SPC25: variants seen among roughly 807,000 people sequenced by gnomAD.
SPC25 encodes kinetochore protein Spc25.
SPC25 carries 22 observed loss-of-function variants against 29.6 expected under a neutral mutation model. The ratio of observed to expected loss-of-function variants is 0.74; its 90% CI spans 0.53 to 1.06. The LOEUF (loss-of-function observed/expected upper bound fraction) is 1.06, where lower values mean the gene tolerates loss of function less well. Ranked by LOEUF, SPC25 falls within the 50% of genes least tolerant of loss-of-function variation. SPC25 has a pLI of 0.00. For missense variants in SPC25, 230 were observed against 255.8 expected (o/e 0.90, Z 0.69); for synonymous variants, 91 against 90.4 (o/e 1.01, Z -0.04).
intron 4 of SPC25, chr2:168,864,887 TTGAA>T (rs754372560): frequency 2.5e-5 from 41 of 1,613,932 alleles, no homozygotes; most frequent in South Asian, 3.3e-5. Context: ...GTTTGGATCT[TTGAA>T]TGGGAAAAAA....
At chr2:168,863,238 A>C (rs1373681631) in intron 4 of SPC25, 2 of 230,328 alleles carry the variant, frequency 8.7e-6, no homozygotes, top group African/African-American at 4.7e-5. Context: ...ATTTGTTTGA[A>C]TTCTTGTTAA....
chr2:168,877,518 A>G, intron 3 of SPC25, 134 bp from the exon 4 acceptor site: 1 of 1,032,286 alleles, frequency 9.7e-7, no homozygotes, highest in South Asian at 1.7e-5. Flanking sequence ...CTAATGATTC[A>G]AAATTATAAA....
At chr2:168,884,914 C>A (rs1023293921) in intron 3 of SPC25, 17 of 152,174 alleles carry the variant, frequency 1.1e-4, no homozygotes, top group Admixed American at 3.9e-4. Flanking sequence ...GTACCTGGCA[C>A]ACAGTAATGA....
chr2:168,875,465 TAAC>T (rs1690068397), intron 5 of SPC25, among the ~76,000 whole-genome samples: 1 of 152,130 alleles, frequency 6.6e-6, no homozygotes, highest in Admixed American at 6.5e-5. Context: ...AGAAAGAGAT[TAAC>T]AACAACTAAT....
At chr2:168,868,943 T>C (rs542186840), downstream of SPC25, among the ~76,000 whole-genome samples, 10 of 152,292 alleles carry the variant, frequency 6.6e-5, no homozygotes, top group East Asian at 1.9e-3. Context: ...TGAACATTGA[T>C]GCAAAAATCC....
chr2:168,868,830 G>C (rs147116065), downstream of SPC25, among the ~76,000 whole-genome samples: 8,209 of 152,192 alleles, frequency 0.054, 701 homozygotes, highest in African/African-American at 0.18. Flanking sequence ...AATAGAAAAA[G>C]AGGGAATCCT....
downstream of SPC25, among the ~76,000 whole-genome samples, chr2:168,867,058 T>A (rs1183747294): frequency 2.0e-5 from 3 of 152,140 alleles, no homozygotes; most frequent in Admixed American, 2.0e-4. Context: ...ATTGTGGAAG[T>A]CGGTGTGGCG....
At chr2:168,886,855 AT>A (rs772948928) in intron 3 of SPC25, among the ~76,000 whole-genome samples, 26 of 152,310 alleles carry the variant, frequency 1.7e-4, no homozygotes, top group Non-Finnish European at 3.8e-4. Context: ...AATATTGATA[AT>A]GCTTTTAGAT....
chr2:168,875,217 G>A (rs771880657), intron 5 of SPC25, among the ~76,000 whole-genome samples: 4 of 152,108 alleles, frequency 2.6e-5, no homozygotes, highest in Admixed American at 6.6e-5. Context: ...GCCTGAAACC[G>A]TAGATAGTAG....
intron 4 of SPC25, chr2:168,861,974 C>G: frequency 6.2e-7 from 1 of 1,614,152 alleles, no homozygotes; most frequent in Non-Finnish European, 8.5e-7. Context: ...TGGTGCAGCC[C>G]AGCTCAGCAG....
At chr2:168,882,587 C>T (rs759808199) in intron 3 of SPC25, among the ~76,000 whole-genome samples, 52 of 151,284 alleles carry the variant, frequency 3.4e-4, no homozygotes, top group African/African-American at 1.2e-3. Flanking sequence ...GGTGACAGGG[C>T]GAGACCCTGT....
At chr2:168,886,579 G>A (rs113507633) in intron 3 of SPC25, among the ~76,000 whole-genome samples, 2,305 of 151,534 alleles carry the variant, frequency 0.015, 56 homozygotes, top group African/African-American at 0.053. Context: ...CAGTGCAGTG[G>A]CGCGATCTGG....
At chr2:168,863,863 A>C (rs1451023710) in intron 4 of SPC25, among the ~76,000 whole-genome samples, 1 of 152,180 alleles carries the variant, frequency 6.6e-6, no homozygotes, top group African/African-American at 2.4e-5. Flanking sequence ...CTACATAGAA[A>C]TAGAAAGTGA....
downstream of SPC25, among the ~76,000 whole-genome samples, chr2:168,867,841 G>A (rs1689896773): frequency 6.6e-6 from 1 of 152,184 alleles, no homozygotes; most frequent in African/African-American, 2.4e-5. Context: ...ACTCAGCTCT[G>A]CACCAAGCAG....
Position 168,862,367 on chromosome 2 carries a change from T to C in SPC25, n.419+11218A>G, listed in dbSNP as rs557208315. Among the ~76,000 whole-genome samples the C allele has an allele frequency of 7.7e-4, 117 of 152,096 alleles. 4 individuals carry two copies. The South Asian group carries it at 0.024, about 31-fold the overall frequency. On this transcript the variant is annotated intron_variant and non_coding_transcript_variant, in intron 4 of 4. Coordinates refer to the SPC25 transcript ENST00000479309. ...CAGGAAGGTTAGGTGCTTTGGCTAA[T>C]GTCACAGGCTGTGGCAACACAAGAT...
rs540188972 is a variant in SPC25 at position 168,890,358 on chromosome 2, A to G, written c.-55T>C. On this transcript the variant is annotated 5_prime_UTR_variant, in exon 1 of 7. Coordinates refer to ENST00000282074, the MANE Select transcript of SPC25 (RefSeq NM_020675.4). ...TGAGTCCCGCCGCCTTCCCCACACC[A>G]GATCCGCGCCCACTCTAGCCAACAG... 6.7e-5 allele frequency: 66 copies of G among 985,468 alleles called. No individual in the cohort carries two copies. Among genetic ancestry groups the G allele is most frequent in the East Asian group, 1.1e-4 (1 of 8,812 alleles). 61.0% of individuals were successfully genotyped at this position (985,468 alleles called of 1,614,324 possible).
rs775155556 is a variant in SPC25, at chr2:168,889,446, G to A, written c.74C>T (p.Thr25Ile). 6 of 1,613,986 alleles carry A rather than the reference G, an allele frequency of 3.7e-6. No homozygotes were observed. Among genetic ancestry groups the A allele is most frequent in the Non-Finnish European group, 5.1e-6 (6 of 1,180,034 alleles). ...TCTTAGTCCCGCCATCTGACAGGAG[G>A]TGTCCGTACTTTTGAATTTATTCCA... ...EFWNKFKSTD[T>I]SCQMAGLRDT... The change falls in exon 2 of 7, where the codon ACC becomes ATC. Residue 25 changes from threonine (T) to isoleucine (I), a missense_variant. Transcript: ENST00000282074.
chr2:168,889,981 G>C (rs1371797364), intron 1 of SPC25, among the ~76,000 whole-genome samples: 1 of 152,094 alleles, frequency 6.6e-6, no homozygotes, highest in East Asian at 1.9e-4. Context: ...GTAAAATAGG[G>C]ACTAAGGTGG....
In SPC25 at chr2:168,873,651, C is replaced by G. The variant is rs1690036285; in HGVS notation, c.484G>C (p.Asp162His). 1 of 1,611,188 alleles carries G rather than the reference C, an allele frequency of 6.2e-7. No homozygotes were observed. The highest frequency in any genetic ancestry group is 8.5e-7 in the Non-Finnish European group (1 of 1,178,194). The part of the protein sequence containing the change: ...EKLQFIFTNI[D>H]PKNPESPFMF... ...AATGGGCTCTCAGGATTCTTAGGGTCAATATTAGTGAAAATAAACTGCAAT... is the reference window on the plus strand; with the variant it reads ...AATGGGCTCTCAGGATTCTTAGGGTGAATATTAGTGAAAATAAACTGCAAT... Residue 162 changes from aspartate to histidine, a missense_variant, in exon 6 of 7, where the codon GAC becomes CAC. Asp to His is a moderately conservative substitution (Grantham distance 81, BLOSUM62 -1). Transcript: ENST00000282074.
Sources: allele counts gnomAD v4.1 joint callset (sites outside exome capture counted in the v4.1 genomes callset), GRCh38; gene constraint gnomAD v4.1.1; transcripts MANE v1.5; gene names NCBI Gene and HGNC (gene_info 2026-07-23, HGNC 2026-07-21).